The following LRRC7 variants were observed in gnomAD, a reference collection of about 807,000 sequenced individuals.
LRRC7 encodes the protein leucine-rich repeat-containing protein 7.
In LRRC7, 23 loss-of-function variants were observed where a neutral mutation model predicts 175.7. The observed-to-expected ratio is 0.13, with a 90% confidence interval of 0.09 to 0.19. The LOEUF is 0.19. Among genes scored for constraint, LRRC7 ranks in the 10% least tolerant of loss-of-function variants. LRRC7 has a pLI of 1.00. For synonymous variants in LRRC7, 685 were observed against 680.9 expected (o/e 1.01, Z -0.09); for missense variants, 1,354 against 1,904.7 (o/e 0.71, Z 5.38).
At chr1:69,657,958 A>G (rs916593878) in intron 1 of LRRC7, among the ~76,000 whole-genome samples, 3 of 151,872 alleles carry the variant, frequency 2.0e-5, no homozygotes, top group African/African-American at 4.8e-5. Flanking sequence ...ATACTATTTT[A>G]TTGATTCTTT....
chr1:70,109,955 C>T (rs1025809919), intron 26 of LRRC7, among the ~76,000 whole-genome samples: 2 of 152,200 alleles, frequency 1.3e-5, no homozygotes, highest in Non-Finnish European at 1.5e-5. Flanking sequence ...TATAGCTTGA[C>T]ACAACGTTGC....
chr1:69,939,579 T>C (rs1193952092), intron 8 of LRRC7, among the ~76,000 whole-genome samples: 1 of 152,074 alleles, frequency 6.6e-6, no homozygotes, highest in African/African-American at 2.4e-5. Context: ...AATTACAAAG[T>C]AGAAATTAGA....
chr1:70,118,908 G>T (rs1206248231), intron 26 of LRRC7, among the ~76,000 whole-genome samples: 2 of 151,944 alleles, frequency 1.3e-5, no homozygotes, highest in African/African-American at 4.8e-5. Flanking sequence ...TACATATTGG[G>T]CTCTCTTCCT....
intron 8 of LRRC7, among the ~76,000 whole-genome samples, chr1:69,974,077 T>C (rs908112100): frequency 6.6e-6 from 1 of 152,228 alleles, no homozygotes; most frequent in Non-Finnish European, 1.5e-5. Context: ...CATCAGTATA[T>C]AGCATAGTTT....
intron 7 of LRRC7, among the ~76,000 whole-genome samples, chr1:69,921,087 CA>C (rs1646875376): frequency 6.6e-6 from 1 of 152,114 alleles, no homozygotes. Flanking sequence ...CTGGTGGTCC[CA>C]CACAGGACAT....
At chr1:70,101,686 C>T (rs979541650) in intron 25 of LRRC7, among the ~76,000 whole-genome samples, 3 of 152,180 alleles carry the variant, frequency 2.0e-5, no homozygotes, top group Non-Finnish European at 2.9e-5. Flanking sequence ...GAAAAGCAAA[C>T]TTTTCATAAG....
At chr1:69,787,878 TG>T (rs1419725867) in intron 3 of LRRC7, among the ~76,000 whole-genome samples, 7 of 152,064 alleles carry the variant, frequency 4.6e-5, no homozygotes, top group Non-Finnish European at 5.9e-5. Flanking sequence ...GAGATTTGGG[TG>T]GGGACACAGC....
At chr1:69,918,588 G>A (rs74084562) in intron 7 of LRRC7, among the ~76,000 whole-genome samples, 4,411 of 152,200 alleles carry the variant, frequency 0.029, 210 homozygotes, top group African/African-American at 0.1. Flanking sequence ...GTGGGTAAGT[G>A]AAGACAGTCA....
At chr1:69,760,431 G>T (rs1201150361) in intron 3 of LRRC7, 38 bp downstream of exon 3, 9 of 1,523,666 alleles carry the variant, frequency 5.9e-6, no homozygotes, top group Non-Finnish European at 8.2e-6. Context: ...ATGTAAATGA[G>T]TATTTCATAA....
At position 70,132,457 on chromosome 1, in the gene LRRC7, CTTTTTTTTTTTTT is replaced by C. The variant is rs149091576; in HGVS notation, c.*10584_*10596del. ...TTTCTTTTTTCTTTTCTTTTCTTTTCTTTTTTTTTTTTTTTTTTTTTTTTTTGAGACGGAGTCT... is the reference window on the plus strand; with the variant it reads ...TTTCTTTTTTCTTTTCTTTTCTTTTCTTTTTTTTTTTTTGAGACGGAGTCT... On this transcript the variant is annotated 3_prime_UTR_variant, in exon 27 of 27. Coordinates refer to ENST00000651989, the MANE Select transcript of LRRC7 (RefSeq NM_001370785.2). Among the ~76,000 whole-genome samples, 1 of 76,450 alleles carries C rather than the reference CTTTTTTTTTTTTT, an allele frequency of 1.3e-5. No homozygotes were observed. The highest frequency in any genetic ancestry group is 2.2e-5 in the Non-Finnish European group (1 of 44,532). The allele number at this position is 76,450 out of a possible 152,430, so 50.2% of individuals were successfully genotyped here.
In LRRC7 at chr1:70,127,665, T is replaced by G. The variant is rs1408939718; in HGVS notation, c.*5778T>G. ...TAAGAAATGGGCCTGGATTAAGGCA[T>G]GCAGAAATGAGAAGGATACCTCTGC... On this transcript the variant is annotated 3_prime_UTR_variant, in exon 27 of 27. Coordinates refer to ENST00000651989, the MANE Select transcript of LRRC7 (RefSeq NM_001370785.2). Among the ~76,000 whole-genome samples, 1 of 152,216 alleles carries G rather than the reference T, an allele frequency of 6.6e-6. No individual in the cohort carries two copies. Among genetic ancestry groups the G allele is most frequent in the Admixed American group, 6.5e-5 (1 of 15,276 alleles).
chr1:69,581,222 G>T lies in LRRC7; in HGVS notation c.2+12581G>T, dbSNP rs186160693. On this transcript the variant is annotated intron_variant, in intron 1 of 26. Coordinates refer to ENST00000651989, the MANE Select transcript of LRRC7 (RefSeq NM_001370785.2). ...TGTGAATTGATTGACATTTTTAAATGATTACTTGGGCTGCTATGTTTACAT... is the reference window on the plus strand; with the variant it reads ...TGTGAATTGATTGACATTTTTAAATTATTACTTGGGCTGCTATGTTTACAT... Among the ~76,000 whole-genome samples the T allele has an allele frequency of 1.5e-3, 233 of 152,322 alleles. 1 individual carries two copies. The highest frequency in any genetic ancestry group is 1.6e-3 in the Non-Finnish European group (111 of 68,012).
At chr1:69,918,173 T>C (rs1570647188) in intron 7 of LRRC7, among the ~76,000 whole-genome samples, 1 of 152,196 alleles carries the variant, frequency 6.6e-6, no homozygotes, top group South Asian at 2.1e-4. Flanking sequence ...GCAGAGGCTG[T>C]GTAGGATGTG....
chr1:69,751,411 T>C (rs1259550405), intron 2 of LRRC7, among the ~76,000 whole-genome samples: 1 of 152,062 alleles, frequency 6.6e-6, no homozygotes, highest in Non-Finnish European at 1.5e-5. Flanking sequence ...GGGTCTGAAT[T>C]AGATTGACTG....
chr1:69,855,780 T>C (rs895911578), intron 7 of LRRC7, among the ~76,000 whole-genome samples: 5 of 152,188 alleles, frequency 3.3e-5, no homozygotes, highest in African/African-American at 1.2e-4. Flanking sequence ...TGTAGTTCTC[T>C]AAGGACTTGC....
intron 2 of LRRC7, among the ~76,000 whole-genome samples, chr1:69,757,284 C>A (rs1181103625): frequency 6.6e-6 from 1 of 151,956 alleles, no homozygotes; most frequent in Non-Finnish European, 1.5e-5. Flanking sequence ...CAGAAATTGG[C>A]TAATCAGCAT....
chr1:70,099,832 G>A (rs1036133207), intron 25 of LRRC7, among the ~76,000 whole-genome samples: 3 of 151,982 alleles, frequency 2.0e-5, no homozygotes, highest in African/African-American at 7.2e-5. Flanking sequence ...ACTGTACAAA[G>A]CTTAGCAATT....
chr1:69,987,231 G>A (rs1275554880), intron 10 of LRRC7, among the ~76,000 whole-genome samples: 1 of 151,930 alleles, frequency 6.6e-6, no homozygotes, highest in Non-Finnish European at 1.5e-5. Flanking sequence ...GGCAATAGAG[G>A]GAGACTCCGT....
intron 2 of LRRC7, among the ~76,000 whole-genome samples, chr1:69,695,484 T>G (rs1312710007): frequency 6.6e-6 from 1 of 152,178 alleles, no homozygotes; most frequent in Non-Finnish European, 1.5e-5. Flanking sequence ...AAGGTTATTT[T>G]TAGGAGACGA....
Sources: gnomAD v4.1 joint callset for allele counts (sites outside exome capture counted in the v4.1 genomes callset) on GRCh38, gnomAD v4.1.1 for gene constraint, MANE v1.5 for transcripts, NCBI Gene and HGNC (gene_info 2026-07-23, HGNC 2026-07-21) for gene names.